Variants in WWC2 observed in about 807,000 individuals in gnomAD.
WWC2 encodes protein WWC2.
WWC2 carries 101 observed loss-of-function variants against 138.5 expected under a neutral mutation model. That is an observed-to-expected ratio of 0.73 (90% CI 0.62 to 0.86). The LOEUF is 0.86. Among genes scored for constraint, WWC2 ranks in the 40% least tolerant of loss-of-function variants. The pLI, the probability that WWC2 is intolerant of heterozygous loss-of-function variation, is 0.00. For synonymous variants in WWC2, 558 were observed against 538.4 expected, an observed-to-expected ratio of 1.04 and a Z score of -0.50; for missense variants, 1,420 against 1,419.4, an observed-to-expected ratio of 1.00 and a Z score of -0.01.
intron 1 of WWC2, among the ~76,000 whole-genome samples, chr4:183,119,328 A>G (rs914345739): frequency 2.6e-5 from 4 of 152,176 alleles, no homozygotes; most frequent in African/African-American, 9.7e-5. Flanking sequence ...TAGTTTAAGG[A>G]TATATAGTGA....
At chr4:183,142,623 C>T (rs1013517631) in intron 1 of WWC2, among the ~76,000 whole-genome samples, 5 of 152,124 alleles carry the variant, frequency 3.3e-5, no homozygotes, top group African/African-American at 1.2e-4. Context: ...ATATTTGTGC[C>T]TATTTTAATA....
intron 11 of WWC2, 144 bp downstream of exon 11, chr4:183,261,676 G>A (rs377056586): frequency 1.0e-6 from 1 of 978,446 alleles, no homozygotes; most frequent in Non-Finnish European, 1.4e-6. Flanking sequence ...TTAAGAAGGA[G>A]CTTTTATTTA....
In WWC2 at chr4:183,284,290, G is replaced by A. The variant is rs748036038; in HGVS notation, c.2948G>A (p.Arg983His). The change falls in exon 19 of 23, where the codon CGC (arginine) becomes CAC (histidine). Residue 983 changes from arginine (R) to histidine (H), a missense_variant. Coordinates refer to ENST00000403733, the MANE Select transcript of WWC2 (RefSeq NM_024949.6). ...AATATGGCAGTTCGCCCCAAAGAGCGCAGCAGCCTGAGCTCTAGACAGCAT... is the reference window on the plus strand; with the variant it reads ...AATATGGCAGTTCGCCCCAAAGAGCACAGCAGCCTGAGCTCTAGACAGCAT... Reference protein sequence around the residue: ...NDNMAVRPKERSSLSSRQHPF... With the variant: ...NDNMAVRPKEHSSLSSRQHPF... 59 of 1,613,872 alleles carry A rather than the reference G, an allele frequency of 3.7e-5. No homozygotes were observed. The highest frequency in any genetic ancestry group is 2.2e-5 in the East Asian group (1 of 44,902).
chr4:183,124,214 C>T (rs1162804997), intron 1 of WWC2, among the ~76,000 whole-genome samples: 1 of 152,042 alleles, frequency 6.6e-6, no homozygotes, highest in African/African-American at 2.4e-5. Context: ...CTTCAGGGGT[C>T]AGTTTGGTAT....
At chr4:183,299,357 C>T (rs755817205) in intron 21 of WWC2, among the ~76,000 whole-genome samples, 3 of 152,112 alleles carry the variant, frequency 2.0e-5, no homozygotes, top group Admixed American at 2.0e-4. Flanking sequence ...GCTGCCCCTC[C>T]GTCTTTGCTT....
chr4:183,258,080 C>T (rs2111351136), intron 9 of WWC2, among the ~76,000 whole-genome samples: 1 of 152,274 alleles, frequency 6.6e-6, no homozygotes. Flanking sequence ...CTGGTGCCTC[C>T]TGAAAGCATT....
intron 4 of WWC2, among the ~76,000 whole-genome samples, chr4:183,230,907 A>G (rs1736225753): frequency 6.6e-6 from 1 of 152,246 alleles, no homozygotes; most frequent in Non-Finnish European, 1.5e-5. Context: ...TGAAATGACT[A>G]AATTCGTATT....
At chr4:183,216,224 C>T (rs1028541165) in intron 4 of WWC2, among the ~76,000 whole-genome samples, 2 of 152,274 alleles carry the variant, frequency 1.3e-5, no homozygotes, top group East Asian at 1.9e-4. Context: ...TCAGCAGCCT[C>T]GGGTGCACAT....
At chr4:183,230,207 A>C (rs1281592838) in intron 4 of WWC2, among the ~76,000 whole-genome samples, 1 of 151,950 alleles carries the variant, frequency 6.6e-6, no homozygotes, top group Non-Finnish European at 1.5e-5. Context: ...TTAGTGAAAA[A>C]TCTGGGGAAA....
intron 2 of WWC2, among the ~76,000 whole-genome samples, chr4:183,198,994 A>T (rs956444509): frequency 2.0e-5 from 3 of 152,244 alleles, no homozygotes; most frequent in African/African-American, 7.2e-5. Context: ...CCAGGAGAAG[A>T]TGGGGAAACA....
intron 1 of WWC2, among the ~76,000 whole-genome samples, chr4:183,155,337 C>G (rs929277035): frequency 2.0e-5 from 3 of 151,794 alleles, no homozygotes; most frequent in African/African-American, 7.3e-5. Flanking sequence ...CCAGTTTTGG[C>G]AGAAGGGAGA....
intron 1 of WWC2, among the ~76,000 whole-genome samples, chr4:183,175,203 A>G (rs890805903): frequency 6.6e-6 from 1 of 152,204 alleles, no homozygotes; most frequent in Non-Finnish European, 1.5e-5. Flanking sequence ...TAGCATGTCT[A>G]ACATCATCTG....
chr4:183,147,864 G>T (rs1561436092), intron 1 of WWC2, among the ~76,000 whole-genome samples: 1 of 152,116 alleles, frequency 6.6e-6, no homozygotes, highest in Non-Finnish European at 1.5e-5. Flanking sequence ...CTCTGGTAAG[G>T]TATATATTTG....
chr4:183,295,078 G>GA (rs33922843), intron 21 of WWC2, among the ~76,000 whole-genome samples: 2 of 150,292 alleles, frequency 1.3e-5, no homozygotes, highest in Admixed American at 6.6e-5. Flanking sequence ...GTTTCCAGCT[G>GA]AAAAAAAAAA....
chr4:183,180,857 C>CT (rs1286586925), intron 1 of WWC2, among the ~76,000 whole-genome samples: 1 of 151,988 alleles, frequency 6.6e-6, no homozygotes, highest in Non-Finnish European at 1.5e-5. Context: ...TTTGAAAAAA[C>CT]TTACGTGAAC....
chr4:183,151,811 T>G (rs1409343543), intron 1 of WWC2, among the ~76,000 whole-genome samples: 6 of 152,210 alleles, frequency 3.9e-5, no homozygotes, highest in Non-Finnish European at 7.3e-5. Flanking sequence ...TTTCAACATT[T>G]CTTGTTTTTC....
At chr4:183,180,482 A>C (rs1401524250) in intron 1 of WWC2, among the ~76,000 whole-genome samples, 1 of 150,730 alleles carries the variant, frequency 6.6e-6, no homozygotes, top group Admixed American at 6.6e-5. Flanking sequence ...CCAAGCTTGA[A>C]GTCTATTTTA....
At chr4:183,256,098 T>A (rs1473583980) in intron 9 of WWC2, among the ~76,000 whole-genome samples, 1 of 152,214 alleles carries the variant, frequency 6.6e-6, no homozygotes, top group Non-Finnish European at 1.5e-5. Flanking sequence ...ATGTATTTTA[T>A]ATATGTAGTA....
chr4:183,126,180 A>G (rs1376025532), intron 1 of WWC2, among the ~76,000 whole-genome samples: 1 of 152,216 alleles, frequency 6.6e-6, no homozygotes, highest in Non-Finnish European at 1.5e-5. Context: ...AGTAACTAGG[A>G]AACCACTGCC....
Sources: gnomAD v4.1 joint callset for allele counts (sites outside exome capture counted in the v4.1 genomes callset) on GRCh38, gnomAD v4.1.1 for gene constraint, MANE v1.5 for transcripts, NCBI Gene and HGNC (gene_info 2026-07-23, HGNC 2026-07-21) for gene names.